SMPD4: variants seen among roughly 807,000 people sequenced by gnomAD.
The protein encoded by SMPD4 is neutral sphingomyelinase 3.
In SMPD4, 58 loss-of-function variants were observed where a neutral mutation model predicts 97.8. That is an observed-to-expected ratio of 0.59 (90% CI 0.48 to 0.74). The LOEUF is 0.74. SMPD4 is among the 30% of genes least tolerant of loss of function. SMPD4 has a pLI of 0.00. For synonymous variants in SMPD4, 388 were observed against 450.0 expected (o/e 0.86, Z 1.74); for missense variants, 853 against 1,080.5 (o/e 0.79, Z 2.95).
chr2:130,167,920 G>T (rs114458152), intron 8 of SMPD4, among the ~76,000 whole-genome samples: 1 of 152,150 alleles, frequency 6.6e-6, no homozygotes, highest in East Asian at 1.9e-4. Context: ...GGGCATGGGG[G>T]TTCACACCTG....
rs1341212470 is a variant in SMPD4, at chr2:130,181,552, C to A, written c.-68G>T. 7 of 1,606,014 alleles carry A rather than the reference C, an allele frequency of 4.4e-6. No homozygotes were observed. In the East Asian group the frequency reaches 1.3e-4, roughly 31 times the overall value. Reference sequence around the variant, plus strand: ...CACCTGTGGGATCCATAGCGTCGCTCGCCTCAGAGATGGAAGCCGCCATTC... The same window carrying A: ...CACCTGTGGGATCCATAGCGTCGCTAGCCTCAGAGATGGAAGCCGCCATTC... On this transcript the variant is annotated 5_prime_UTR_variant, in exon 1 of 20. Coordinates refer to ENST00000680298, the MANE Select transcript of SMPD4 (RefSeq NM_017951.5).
chr2:130,155,324 C>T, intron 14 of SMPD4, 65 bp from the exon 15 acceptor site: 3 of 1,594,826 alleles, frequency 1.9e-6, no homozygotes, highest in Non-Finnish European at 2.6e-6. Flanking sequence ...AATGCCCGGT[C>T]CGTGCCCCTA....
intron 9 of SMPD4, among the ~76,000 whole-genome samples, chr2:130,165,108 TAAAAA>T (rs35361623): frequency 1.6e-4 from 10 of 61,898 alleles, no homozygotes; most frequent in Admixed American, 8.2e-4. Context: ...GACTCTGATT[TAAAAA>T]AAAAAAAAAA....
chr2:130,181,726 G>A, upstream of SMPD4: 1 of 1,549,012 alleles, frequency 6.5e-7, no homozygotes, highest in Non-Finnish European at 8.7e-7. Flanking sequence ...GAAATGGCGA[G>A]GCAGGAGTGC....
intron 8 of SMPD4, among the ~76,000 whole-genome samples, chr2:130,170,815 TTGTC>T (rs1198955374): frequency 6.6e-6 from 1 of 151,888 alleles, no homozygotes; most frequent in Non-Finnish European, 1.5e-5. Flanking sequence ...TCCCAGCACT[TTGTC>T]TGAGGCCAAG....
chr2:130,153,300 T>C lies in SMPD4; in HGVS notation c.2025+19A>G, dbSNP rs771920003. Reference sequence around the variant, plus strand: ...GGTCAGGGCCCAGCCTGTGCGCCTCTGAGACACGGGCCTCTCACCTGGTAC... The same window carrying C: ...GGTCAGGGCCCAGCCTGTGCGCCTCCGAGACACGGGCCTCTCACCTGGTAC... On this transcript the variant is annotated intron_variant, in intron 18 of 19. Transcript: ENST00000680298. The C allele has an allele frequency of 1.9e-6, 3 of 1,613,422 alleles. No homozygotes were observed. The highest frequency in any genetic ancestry group is 2.7e-5 in the African/African-American group (2 of 74,918).
chr2:130,171,147 T>TC (rs1558759516), intron 8 of SMPD4, among the ~76,000 whole-genome samples: 1 of 134,436 alleles, frequency 7.4e-6, no homozygotes, highest in African/African-American at 3.0e-5. Context: ...TTTTTTTTTT[T>TC]GTGTGTGTGT....
intron 1 of SMPD4, among the ~76,000 whole-genome samples, chr2:130,177,613 C>T (rs1689093882): frequency 6.6e-6 from 1 of 151,708 alleles, no homozygotes; most frequent in Non-Finnish European, 1.5e-5. Context: ...CCGAGAATCA[C>T]TTGAACCCAG....
In SMPD4 at chr2:130,152,944, CAGT is replaced by C. The variant is rs1022338686; in HGVS notation, c.2155-63_2155-61del. 5.8e-6 allele frequency: 9 copies of C among 1,557,420 alleles called. No homozygotes were observed. In the African/African-American group the frequency reaches 1.2e-4, roughly 21 times the overall value. ...GGTGGCACCACAGGCCTCAGGACAG[CAGT>C]ACCCCACCCTCACAGGCCACCCCAG... is the stretch of plus-strand genomic sequence containing the variant. On this transcript the variant is annotated intron_variant, in intron 19 of 19. Coordinates refer to ENST00000680298, the MANE Select transcript of SMPD4 (RefSeq NM_017951.5).
intron 1 of SMPD4, chr2:130,181,300 C>A (rs1001758608): frequency 7.1e-7 from 1 of 1,412,216 alleles, no homozygotes; most frequent in Non-Finnish European, 9.2e-7. Flanking sequence ...ACCTACCGGA[C>A]CGGGACAGAG....
rs1688610481 is a variant in SMPD4 at position 130,172,902 on chromosome 2, A to C, written c.346-7T>G. 2.5e-6 allele frequency: 4 copies of C among 1,607,424 alleles called. No homozygotes were observed. The highest frequency in any genetic ancestry group is 3.4e-6 in the Non-Finnish European group (4 of 1,176,938). On this transcript the variant is annotated splice_region_variant and splice_polypyrimidine_tract_variant and intron_variant, in intron 5 of 19. Transcript: ENST00000680298. ...TGGACGCCTTCACAGGACCCTGCAG[A>C]GAGAGGCAGTGAGGCTTGTGGGCAG... is the stretch of plus-strand genomic sequence containing the variant.
At chr2:130,176,366 T>A (rs1394588461) in intron 2 of SMPD4, among the ~76,000 whole-genome samples, 188 bp downstream of exon 2, 2 of 152,146 alleles carry the variant, frequency 1.3e-5, no homozygotes, top group Non-Finnish European at 2.9e-5. Flanking sequence ...AGCCCAGAAG[T>A]TGAGTAACCC....
intron 11 of SMPD4, among the ~76,000 whole-genome samples, chr2:130,159,853 A>G (rs116683756): frequency 2.3e-3 from 354 of 152,174 alleles, no homozygotes; most frequent in Non-Finnish European, 3.6e-3. Context: ...TCCACATGTG[A>G]ACTGGAAAAC....
At position 130,152,891 on chromosome 2, in the gene SMPD4, C is replaced by T. The variant is rs1405909958; in HGVS notation, c.2155-7G>A. 6.3e-7 allele frequency: 1 copy of T among 1,577,234 alleles called. No individual in the cohort carries two copies. Among genetic ancestry groups the T allele is most frequent in the Admixed American group, 1.7e-5 (1 of 57,534 alleles). ...CCGCCATCTGTCCTGCAAACTGAAGCACAGACAGAGGCACGGGGATGTGGG... is the reference window on the plus strand; with the variant it reads ...CCGCCATCTGTCCTGCAAACTGAAGTACAGACAGAGGCACGGGGATGTGGG... On this transcript the variant is annotated splice_region_variant and splice_polypyrimidine_tract_variant and intron_variant, in intron 19 of 19. Transcript: ENST00000680298.
chr2:130,153,132 C>G lies in SMPD4; in HGVS notation c.2065G>C (p.Gly689Arg). ...CGGATGGGCTGCAGCTCCGGGTCCC[C>G]CTGGTACTCAATTTCAAACCTTCGC... is the stretch of plus-strand genomic sequence containing the variant. ...GLRRFEIEYQ[G>R]DPELQPIRSY... The change falls in exon 19 of 20, where the codon GGG becomes CGG. Residue 689 changes from glycine (G) to arginine (R), a missense_variant. By Grantham distance (125) the Gly-to-Arg change is moderately radical. Transcript: ENST00000680298. 6.2e-7 allele frequency: 1 copy of G among 1,613,894 alleles called. No homozygotes were observed. Among genetic ancestry groups the G allele is most frequent in the East Asian group, 2.2e-5 (1 of 44,874 alleles).
chr2:130,181,368 C>G, intron 1 of SMPD4, 162 bp downstream of exon 1: 2 of 1,443,408 alleles, frequency 1.4e-6, no homozygotes, highest in Non-Finnish European at 1.8e-6. Flanking sequence ...TGGCAGAAGA[C>G]TCAACCGGGG....
At position 130,154,303 on chromosome 2, in the gene SMPD4, T is replaced by C. The variant is rs1221434880; in HGVS notation, c.1633A>G (p.Met545Val). 6.2e-7 allele frequency: 1 copy of C among 1,609,292 alleles called. No homozygotes were observed. Among genetic ancestry groups the C allele is most frequent in the East Asian group, 2.2e-5 (1 of 44,826 alleles). Residue 545 changes from methionine to valine, a missense_variant, in exon 16 of 20, where the codon ATG becomes GTG. Physicochemically the swap from Met to Val is conservative, Grantham distance 21. Around this residue, in one of 3 missense-constraint regions of SMPD4, gnomAD observed 511 missense variants for 608.1 expected, o/e 0.84. Transcript: ENST00000680298. ...AGGGTGCGGGCCTCGGGCCCAAACA[T>C]CGGGGTGTACTTGCAGTCCTGGCCC... ...LEGQDCKYTP[M>V]FGPEARTLVL...
chr2:130,156,186 G>C, intron 13 of SMPD4, 51 bp from the exon 14 acceptor site: 2 of 1,525,754 alleles, frequency 1.3e-6, no homozygotes, highest in Non-Finnish European at 1.8e-6. Context: ...CCAAATACTC[G>C]GTGGCCTGGA....
intron 19 of SMPD4, 56 bp downstream of exon 19, chr2:130,152,987 C>A: frequency 6.4e-7 from 1 of 1,573,744 alleles, no homozygotes. Context: ...GCACCCCAGG[C>A]AGGAGCATCT....
Sources: allele counts gnomAD v4.1 joint callset (sites outside exome capture counted in the v4.1 genomes callset), GRCh38; gene constraint gnomAD v4.1.1; regional missense constraint gnomAD v4.1.1; transcripts MANE v1.5; gene names NCBI Gene and HGNC (gene_info 2026-07-23, HGNC 2026-07-21).